Variants in IFRD1 observed in about 807,000 individuals in gnomAD.
IFRD1 encodes the protein interferon-related developmental regulator 1.
A neutral mutation model predicts 52.9 loss-of-function variants in IFRD1; 35 were observed. That is an observed-to-expected ratio of 0.66 (90% CI 0.51 to 0.88). IFRD1 has a LOEUF of 0.88. Ranked by LOEUF, IFRD1 falls within the 40% of genes least tolerant of loss-of-function variation. The probability of loss-of-function intolerance (pLI) is 0.00; values close to 1 mark genes in which losing one functional copy is unlikely to be tolerated. For synonymous variants in IFRD1, 184 were observed against 188.4 expected (o/e 0.98, Z 0.19); for missense variants, 517 against 550.8 (o/e 0.94, Z 0.61).
chr7:112,473,805 A>G (rs1795824892), intron 11 of IFRD1, among the ~76,000 whole-genome samples: 2 of 152,178 alleles, frequency 1.3e-5, no homozygotes, highest in African/African-American at 4.8e-5. Flanking sequence ...TAAAGTATAC[A>G]GTTCAGTGGC....
chr7:112,446,076 G>A (rs1795023650), upstream of IFRD1: 1 of 152,416 alleles, frequency 6.6e-6, no homozygotes, highest in African/African-American at 2.4e-5. Context: ...GATGTTCTAG[G>A]CAGAGGAGTG....
intron 1 of IFRD1, among the ~76,000 whole-genome samples, chr7:112,437,657 T>A (rs1794739304): frequency 6.6e-6 from 1 of 151,246 alleles, no homozygotes; most frequent in Non-Finnish European, 1.5e-5. Flanking sequence ...TTCCCCATAA[T>A]GGAAATCCCT....
rs753880466 is a variant in IFRD1, at chr7:112,456,082, A to G, written c.280A>G (p.Lys94Glu). Residue 94 changes from lysine to glutamate, a missense_variant, in exon 3 of 12, where the codon AAG becomes GAG. Physicochemically the swap from Lys to Glu is moderately conservative, Grantham distance 56. Coordinates refer to ENST00000403825, the MANE Select transcript of IFRD1 (RefSeq NM_001550.4). ...LKGLIDLTLD[K>E]SAKTRQAALE... is the part of the protein sequence containing the mutation. Reference sequence around the variant, plus strand: ...GGGATTAATTGACCTAACCCTGGATAAGAGGTAGGCAATACTGGAAACTCC... The same window carrying G: ...GGGATTAATTGACCTAACCCTGGATGAGAGGTAGGCAATACTGGAAACTCC... 2 of 1,579,508 alleles carry G rather than the reference A, an allele frequency of 1.3e-6. No homozygotes were observed. Among genetic ancestry groups the G allele is most frequent in the Non-Finnish European group, 8.7e-7 (1 of 1,148,542 alleles).
chr7:112,425,743 G>T lies in IFRD1; in HGVS notation c.-182+2311G>T, dbSNP rs965323292. On this transcript the variant is annotated intron_variant, in intron 1 of 12. Transcript: ENST00000005558. ...TATATCCCCTTTCATATATCCTGTT[G>T]GTTCTGTCTCTCTGGAGAACCCTGA... is the stretch of plus-strand genomic sequence containing the variant. 1.8e-4 allele frequency among the ~76,000 whole-genome samples: 27 copies of T among 152,108 alleles called. 1 individual carries two copies. The highest frequency in any genetic ancestry group is 6.3e-4 in the African/African-American group (26 of 41,488).
At chr7:112,469,709 A>G (rs948083687) in intron 9 of IFRD1, among the ~76,000 whole-genome samples, 30 of 152,108 alleles carry the variant, frequency 2.0e-4, no homozygotes, top group Non-Finnish European at 7.4e-5. Context: ...CAGCCATAGC[A>G]CTCAGTACTG....
At chr7:112,465,655 TAAC>T (rs1416303054) in intron 8 of IFRD1, among the ~76,000 whole-genome samples, 4 of 152,172 alleles carry the variant, frequency 2.6e-5, no homozygotes, top group Non-Finnish European at 5.9e-5. Flanking sequence ...TGGGTGGTAA[TAAC>T]TGTTATATAA....
At chr7:112,444,325 C>T (rs1175036666) in intron 1 of IFRD1, among the ~76,000 whole-genome samples, 1 of 152,146 alleles carries the variant, frequency 6.6e-6, no homozygotes, top group Non-Finnish European at 1.5e-5. Context: ...GAAGTATCTT[C>T]TACACAACAA....
intron 11 of IFRD1, among the ~76,000 whole-genome samples, 170 bp downstream of exon 11, chr7:112,473,031 T>G (rs375546365): frequency 1.2e-4 from 6 of 49,034 alleles, no homozygotes; most frequent in Non-Finnish European, 3.8e-4. Context: ...GTGGGGGGCG[T>G]GTGTGTGTGT....
At chr7:112,442,321 A>G (rs549034123) in intron 1 of IFRD1, among the ~76,000 whole-genome samples, 2 of 152,332 alleles carry the variant, frequency 1.3e-5, no homozygotes, top group South Asian at 4.1e-4. Flanking sequence ...CTAAAATTCC[A>G]TCTTTAGCAG....
chr7:112,441,078 G>A (rs116573072), intron 1 of IFRD1, among the ~76,000 whole-genome samples: 3,873 of 152,046 alleles, frequency 0.025, 149 homozygotes, highest in African/African-American at 0.087. Flanking sequence ...ATTTGAGACC[G>A]TCCTGGCCAA....
Position 112,475,552 on chromosome 7 carries a change from C to A in IFRD1, c.*33C>A, listed in dbSNP as rs763790237. ...GAACTTGAAGACTATTTTCTAATTT[C>A]TATTTTTTTTTCTATTTCAATGTAT... On this transcript the variant is annotated 3_prime_UTR_variant, in exon 12 of 12. Transcript: ENST00000403825. The A allele has an allele frequency of 2.5e-5, 33 of 1,320,880 alleles. No homozygotes were observed. The highest frequency in any genetic ancestry group is 1.9e-4 in the Middle Eastern group (1 of 5,366). The allele number at this position is 1,320,880 out of a possible 1,614,324, so 81.8% of individuals were successfully genotyped here.
intron 11 of IFRD1, among the ~76,000 whole-genome samples, 167 bp downstream of exon 11, chr7:112,473,028 G>A (rs1191013397): frequency 1.8e-5 from 2 of 111,984 alleles, no homozygotes; most frequent in Non-Finnish European, 3.7e-5. Context: ...AGTGTGGGGG[G>A]CGTGTGTGTG....
At chr7:112,443,872 A>AC (rs1794956532) in intron 1 of IFRD1, among the ~76,000 whole-genome samples, 1 of 151,512 alleles carries the variant, frequency 6.6e-6, no homozygotes. Flanking sequence ...CAAAAAAAAA[A>AC]AAAAACCCAA....
chr7:112,426,280 C>T (rs539012189), intron 1 of IFRD1, among the ~76,000 whole-genome samples: 1 of 152,266 alleles, frequency 6.6e-6, no homozygotes, highest in African/African-American at 2.4e-5. Context: ...ACGATATTCT[C>T]CAGTCTCCCT....
intron 9 of IFRD1, among the ~76,000 whole-genome samples, chr7:112,470,866 G>A (rs1043784867): frequency 6.6e-6 from 1 of 152,206 alleles, no homozygotes; most frequent in Non-Finnish European, 1.5e-5. Context: ...TACATGTTCA[G>A]TATAGTTGCA....
intron 1 of IFRD1, among the ~76,000 whole-genome samples, chr7:112,454,897 T>C (rs906632360): frequency 6.8e-6 from 1 of 147,206 alleles, no homozygotes; most frequent in East Asian, 2.0e-4. Context: ...GACAAGGTCT[T>C]GGTCTGTCGC....
At chr7:112,454,773 A>C (rs1795245355) in intron 1 of IFRD1, among the ~76,000 whole-genome samples, 1 of 151,512 alleles carries the variant, frequency 6.6e-6, no homozygotes, top group South Asian at 2.1e-4. Context: ...ATTATCTATG[A>C]TACAACACTA....
intron 9 of IFRD1, among the ~76,000 whole-genome samples, chr7:112,469,020 T>G (rs1437001523): frequency 6.6e-6 from 1 of 152,216 alleles, no homozygotes; most frequent in African/African-American, 2.4e-5. Context: ...CTTTAATAAT[T>G]GTTTTTTGGT....
intron 1 of IFRD1, among the ~76,000 whole-genome samples, chr7:112,442,081 T>C (rs755738125): frequency 9.9e-5 from 15 of 152,232 alleles, no homozygotes; most frequent in Non-Finnish European, 2.2e-4. Flanking sequence ...ACCAAACTAG[T>C]AAGTGGTTGA....
Sources: allele counts gnomAD v4.1 joint callset (sites outside exome capture counted in the v4.1 genomes callset), GRCh38; gene constraint gnomAD v4.1.1; transcripts MANE v1.5; gene names NCBI Gene and HGNC (gene_info 2026-07-23, HGNC 2026-07-21).